LIMS1: variants seen among roughly 807,000 people sequenced by gnomAD.
LIMS1 encodes LIM zinc finger domain containing 1.
A neutral mutation model predicts 44.1 loss-of-function variants in LIMS1; 18 were observed. The observed-to-expected ratio is 0.41, with a 90% CI of 0.28 to 0.61. The LOEUF (loss-of-function observed/expected upper bound fraction) is 0.61. Among genes scored for constraint, LIMS1 ranks in the 20% least tolerant of loss-of-function variants. The probability of loss-of-function intolerance (pLI) is 0.32; values close to 1 mark genes in which losing one functional copy is unlikely to be tolerated. For synonymous variants in LIMS1, 93 were observed against 149.1 expected, an observed-to-expected ratio of 0.62 and a Z score of 2.74; for missense variants, 201 against 422.0, an observed-to-expected ratio of 0.48 and a Z score of 4.59.
chr2:108,589,026 A>G (rs1686243368), intron 1 of LIMS1, among the ~76,000 whole-genome samples: 1 of 152,144 alleles, frequency 6.6e-6, no homozygotes, highest in South Asian at 2.1e-4. Flanking sequence ...TATTACATTA[A>G]TTTTTTAAAA....
intron 1 of LIMS1, among the ~76,000 whole-genome samples, chr2:108,551,302 TA>T (rs905269020): frequency 2.7e-5 from 4 of 147,452 alleles, no homozygotes; most frequent in African/African-American, 7.4e-5. Context: ...TATATATATA[TA>T]AATATATATT....
At chr2:108,536,387 C>G (rs1684142873) in intron 1 of LIMS1, among the ~76,000 whole-genome samples, 2 of 152,216 alleles carry the variant, frequency 1.3e-5, no homozygotes, top group Non-Finnish European at 2.9e-5. Context: ...TTGACTACTG[C>G]TGGTACCTCA....
At chr2:108,629,098 G>T (rs551269103) in intron 1 of LIMS1, among the ~76,000 whole-genome samples, 1 of 152,322 alleles carries the variant, frequency 6.6e-6, no homozygotes, top group South Asian at 2.1e-4. Context: ...TTTAAAGGAA[G>T]ACTGTTGTGT....
chr2:108,616,188 TTG>T (rs1687918412), intron 1 of LIMS1, among the ~76,000 whole-genome samples: 2 of 149,486 alleles, frequency 1.3e-5, no homozygotes, highest in Admixed American at 6.8e-5. Context: ...ACAGGCAAGT[TTG>T]CATGGGCTTT....
intron 1 of LIMS1, among the ~76,000 whole-genome samples, chr2:108,609,166 G>A (rs2104747205): frequency 6.6e-6 from 1 of 152,244 alleles, no homozygotes; most frequent in Middle Eastern, 3.4e-3. Context: ...TCTCATTTGG[G>A]GCATGATCTG....
At chr2:108,555,132 G>A (rs1181759458) in intron 1 of LIMS1, among the ~76,000 whole-genome samples, 1 of 152,142 alleles carries the variant, frequency 6.6e-6, no homozygotes, top group Non-Finnish European at 1.5e-5. Flanking sequence ...GTTTTCCCGT[G>A]GTGACTGTTT....
At chr2:108,607,675 T>G (rs1687346829) in intron 1 of LIMS1, among the ~76,000 whole-genome samples, 1 of 152,192 alleles carries the variant, frequency 6.6e-6, no homozygotes, top group African/African-American at 2.4e-5. Context: ...TTTTTACTAG[T>G]CTTATAGTTT....
At position 108,625,586 on chromosome 2, in the gene LIMS1, C is replaced by G. The variant is rs532570630; in HGVS notation, c.33-34019C>G. 1.1e-4 allele frequency among the ~76,000 whole-genome samples: 17 copies of G among 151,786 alleles called. No individual in the cohort carries two copies. The South Asian group carries it at 1.3e-3, about 11-fold the overall frequency. On this transcript the variant is annotated intron_variant, in intron 1 of 9. Coordinates refer to ENST00000544547, the Ensembl canonical transcript of LIMS1. The stretch of plus-strand genomic sequence containing the variant: ...TTGAAAAGAATATGAATCCCCCCCC[C>G]CAAAAAAATGCAGTTTGAAATTTGT...
chr2:108,588,348 G>C, intron 1 of LIMS1: 1 of 985,346 alleles, frequency 1.0e-6, no homozygotes, highest in South Asian at 4.7e-5. Flanking sequence ...AGATGAGGAA[G>C]TTCTGTACAG....
chr2:108,668,574 T>C lies in LIMS1; in HGVS notation c.193-2207T>C. 1.3e-5 allele frequency among the ~76,000 whole-genome samples: 2 copies of C among 152,210 alleles called. 1 individual carries two copies. Among genetic ancestry groups the C allele is most frequent in the Admixed American group, 1.3e-4 (2 of 15,278 alleles). On this transcript the variant is annotated intron_variant, in intron 2 of 9. Coordinates refer to ENST00000544547, the Ensembl canonical transcript of LIMS1. ...TTTTTATGGCCAAAGAGTACTCCGC[T>C]GGGTATATGTACCATATTTTTTTAA...
At chr2:108,585,065 G>A (rs1363642800) in intron 1 of LIMS1, among the ~76,000 whole-genome samples, 1 of 146,446 alleles carries the variant, frequency 6.8e-6, no homozygotes, top group Admixed American at 7.1e-5. Flanking sequence ...GCAGGAAAAT[G>A]ACTTGAACGT....
intron 1 of LIMS1, among the ~76,000 whole-genome samples, chr2:108,656,455 T>G (rs1008896379): frequency 5.3e-5 from 8 of 152,244 alleles, no homozygotes; most frequent in African/African-American, 1.9e-4. Flanking sequence ...TAGCTATAAC[T>G]GTCACTAATG....
intron 1 of LIMS1, chr2:108,659,115 A>T: frequency 1.0e-6 from 1 of 981,254 alleles, no homozygotes; most frequent in Non-Finnish European, 1.2e-6. Context: ...GTTGTTTTCC[A>T]CAGGATTTAA....
intron 8 of LIMS1, among the ~76,000 whole-genome samples, chr2:108,679,830 G>A (rs1215312321): frequency 6.6e-6 from 1 of 152,116 alleles, no homozygotes; most frequent in East Asian, 1.9e-4. Context: ...GGAGAAGATT[G>A]CTTGAGCCCA....
intron 1 of LIMS1, among the ~76,000 whole-genome samples, chr2:108,589,168 A>G (rs6760160): frequency 0.44 from 66,382 of 151,638 alleles, 16,013 homozygotes; most frequent in East Asian, 0.95. Context: ...ATTCATTAAC[A>G]TGTAAAACGC....
intron 1 of LIMS1, among the ~76,000 whole-genome samples, chr2:108,584,849 G>A (rs1382102781): frequency 6.6e-6 from 1 of 151,838 alleles, no homozygotes; most frequent in Non-Finnish European, 1.5e-5. Flanking sequence ...AGGGTTTGGG[G>A]ACATAGATGG....
In LIMS1 at chr2:108,659,789, G is replaced by A. The variant is rs372794803; in HGVS notation, c.192+25G>A. ...GGTGAGTTGCACTGGACAAAAGCAG[G>A]GAGGTGCCATTCCCCGCCCTCCCGC... is the stretch of plus-strand genomic sequence containing the variant. On this transcript the variant is annotated intron_variant, in intron 2 of 9. Transcript: ENST00000544547. The A allele has an allele frequency of 1.3e-4, 212 of 1,612,114 alleles. No individual in the cohort carries two copies. In the African/African-American group the frequency reaches 1.8e-3, roughly 14 times the overall value.
chr2:108,534,668 C>T (rs1442315359), intron 1 of LIMS1, 74 bp downstream of exon 1: 12 of 886,708 alleles, frequency 1.4e-5, no homozygotes, highest in Non-Finnish European at 1.6e-5. Flanking sequence ...CGGGCCGGGC[C>T]GGGCCTGGCG....
intron 1 of LIMS1, among the ~76,000 whole-genome samples, chr2:108,609,384 C>A (rs1687462062): frequency 6.6e-6 from 1 of 152,132 alleles, no homozygotes; most frequent in African/African-American, 2.4e-5. Flanking sequence ...GGAATTCTAA[C>A]CTTGTGTGGC....
Sources: gnomAD v4.1 joint callset for allele counts (sites outside exome capture counted in the v4.1 genomes callset) on GRCh38, gnomAD v4.1.1 for gene constraint, MANE v1.5 for transcripts, NCBI Gene and HGNC (gene_info 2026-07-23, HGNC 2026-07-21) for gene names.